Variants in FUT2 observed in about 807,000 individuals in gnomAD.
FUT2 encodes galactoside alpha-(1,2)-fucosyltransferase 2.
For synonymous variants in FUT2, 182 were observed against 193.1 expected, an observed-to-expected ratio of 0.94 and a Z score of 0.48; for missense variants, 419 against 465.8, an observed-to-expected ratio of 0.90 and a Z score of 0.93.
At chr19:48,699,881 T>C (rs868796422) in intron 1 of FUT2, among the ~76,000 whole-genome samples, 1 of 151,876 alleles carries the variant, frequency 6.6e-6, no homozygotes, top group Non-Finnish European at 1.5e-5. Flanking sequence ...AGGCCAGGCA[T>C]GGTGGCTCAC....
At position 48,705,117 on chromosome 19, in the gene FUT2, T is replaced by TC; in HGVS notation, c.*1129_*1130insC. The TC allele has an allele frequency of 4.3e-6, 1 of 231,030 alleles. No individual in the cohort carries two copies. Among genetic ancestry groups the TC allele is most frequent in the East Asian group, 6.1e-5 (1 of 16,462 alleles). 14.3% of individuals were successfully genotyped at this position (231,030 alleles called of 1,614,324 possible). ...TTTCTTTTCTTTTTCTTTTCTTTTTTTTTTTTTTTTTGAGATGGAGTCTTG... is the reference window on the plus strand; with the variant it reads ...TTTCTTTTCTTTTTCTTTTCTTTTTTCTTTTTTTTTTTGAGATGGAGTCTTG... On this transcript the variant is annotated 3_prime_UTR_variant, in exon 2 of 2. Coordinates refer to ENST00000425340, the MANE Select transcript of FUT2 (RefSeq NM_000511.6).
chr19:48,702,982 C>A lies in FUT2; in HGVS notation c.26C>A (p.Ser9Tyr). The A allele has an allele frequency of 6.2e-7, 1 of 1,613,218 alleles. No homozygotes were observed. The highest frequency in any genetic ancestry group is 1.1e-5 in the South Asian group (1 of 90,624). ...ATGCTGGTCGTTCAGATGCCTTTCT[C>A]CTTTCCCATGGCCCACTTCATCCTC... is the stretch of plus-strand genomic sequence containing the variant. MLVVQMPF[S>Y]FPMAHFILFV... The change falls in exon 2 of 2, where the codon TCC (serine) becomes TAC (tyrosine). Residue 9 changes from serine (S) to tyrosine (Y), a missense_variant. Physicochemically the swap from Ser to Tyr is moderately radical, Grantham distance 144. Coordinates refer to ENST00000425340, the MANE Select transcript of FUT2 (RefSeq NM_000511.6).
At position 48,703,369 on chromosome 19, in the gene FUT2, G is replaced by A. The variant is rs775671771; in HGVS notation, c.413G>A (p.Arg138His). The change falls in exon 2 of 2, where the codon CGC becomes CAC. Residue 138 changes from arginine (R) to histidine (H), a missense_variant. Arg to His is a conservative substitution (Grantham distance 29). Transcript: ENST00000425340. ...AACGACTGGATGGAGGAGGAATACC[G>A]CCACATCCCGGGGGAGTACGTCCGC... The part of the protein sequence containing the change: ...HLNDWMEEEY[R>H]HIPGEYVRFT... 6 of 1,613,082 alleles carry A rather than the reference G, an allele frequency of 3.7e-6. 1 individual carries two copies. The highest frequency in any genetic ancestry group is 3.3e-5 in the Admixed American group (2 of 60,008).
At chr19:48,700,616 C>A (rs533276077) in intron 1 of FUT2, among the ~76,000 whole-genome samples, 2 of 152,084 alleles carry the variant, frequency 1.3e-5, no homozygotes, top group African/African-American at 2.4e-5. Context: ...CAGGCGTGAG[C>A]CACCGCGCCC....
At position 48,703,047 on chromosome 19, in the gene FUT2, C is replaced by T. The variant is rs201010975; in HGVS notation, c.91C>T (p.Arg31Trp). The T allele has an allele frequency of 5.5e-5, 89 of 1,612,994 alleles. 3 individuals carry two copies. Among genetic ancestry groups the T allele is most frequent in the Admixed American group, 1.2e-4 (7 of 60,012 alleles). ...TTCCACTATATTTCACGTTCAGCAG[C>T]GGCTAGCGAAGATTCAAGCCATGTG... The part of the protein sequence containing the change: ...TVSTIFHVQQ[R>W]LAKIQAMWEL... The change falls in exon 2 of 2, where the codon CGG becomes TGG. Residue 31 changes from arginine (R) to tryptophan (W), a missense_variant. Physicochemically the swap from Arg to Trp is moderately radical, Grantham distance 101. Transcript: ENST00000425340.
intron 1 of FUT2, among the ~76,000 whole-genome samples, chr19:48,700,485 C>A (rs1246413688): frequency 6.6e-6 from 1 of 151,910 alleles, no homozygotes; most frequent in Non-Finnish European, 1.5e-5. Context: ...CACCACCACA[C>A]CCGGCTAATT....
At position 48,705,667 on chromosome 19, in the gene FUT2, C is replaced by T. The variant is rs927034680; in HGVS notation, c.*1679C>T. The T allele has an allele frequency of 1.2e-5, 2 of 167,050 alleles. No individual in the cohort carries two copies. Among genetic ancestry groups the T allele is most frequent in the African/African-American group, 4.8e-5 (2 of 41,416 alleles). 10.3% of individuals were successfully genotyped at this position (167,050 alleles called of 1,614,324 possible). A position where few individuals can be genotyped will look rare whatever the true frequency, so the allele number is the denominator to read the frequency against. ...GTTACATGTCAGGCAGTGAAACCCCCCACAGCAGCCTTCCCTCTCAGAGGA... is the reference window on the plus strand; with the variant it reads ...GTTACATGTCAGGCAGTGAAACCCCTCACAGCAGCCTTCCCTCTCAGAGGA... On this transcript the variant is annotated 3_prime_UTR_variant, in exon 2 of 2. Transcript: ENST00000425340.
In FUT2 at chr19:48,704,102, G is replaced by A. The variant is rs2122226594; in HGVS notation, c.*114G>A. On this transcript the variant is annotated 3_prime_UTR_variant, in exon 2 of 2. Transcript: ENST00000425340. ...GGACCCATCTCTCTTCTGTGAAGAT[G>A]CGTTGGGCTGCAAGTAACAGAAATC... The A allele has an allele frequency of 2.0e-6, 2 of 1,013,958 alleles. No homozygotes were observed. Among genetic ancestry groups the A allele is most frequent in the Middle Eastern group, 2.9e-4 (1 of 3,482 alleles). 62.8% of individuals were successfully genotyped at this position (1,013,958 alleles called of 1,614,324 possible). A position where few individuals can be genotyped will look rare whatever the true frequency, so the allele number is the denominator to read the frequency against.
chr19:48,698,008 T>TC, intron 1 of FUT2, among the ~76,000 whole-genome samples: 1 of 147,652 alleles, frequency 6.8e-6, no homozygotes, highest in East Asian at 2.0e-4. Context: ...TTTTTTTTTT[T>TC]TTTTTTTTTG....
intron 1 of FUT2, among the ~76,000 whole-genome samples, chr19:48,700,776 C>G (rs71370196): frequency 4.1e-5 from 6 of 147,762 alleles, no homozygotes; most frequent in South Asian, 4.3e-4. Flanking sequence ...TGAAACCTTC[C>G]TAAGCCTTCC....
In FUT2 at chr19:48,703,233, G is replaced by A. The variant is rs112722916; in HGVS notation, c.277G>A (p.Ala93Thr). The A allele has an allele frequency of 4.3e-5, 70 of 1,613,084 alleles. No homozygotes were observed. Among genetic ancestry groups the A allele is most frequent in the East Asian group, 3.8e-4 (17 of 44,846 alleles). The part of the protein sequence containing the change: ...YALAKMNGRP[A>T]FIPAQMHSTL... The stretch of plus-strand genomic sequence containing the variant: ...CCTGGCCAAGATGAACGGGCGGCCC[G>A]CCTTCATCCCGGCCCAGATGCACAG... Residue 93 changes from alanine to threonine, a missense_variant, in exon 2 of 2, where the codon GCC becomes ACC. Transcript: ENST00000425340.
Position 48,703,300 on chromosome 19 carries a change from A to G in FUT2, c.344A>G (p.His115Arg). ...TTCAGAATCACCCTGCCGGTGCTGCACAGCGCCACGGCCAGCAGGATCCCC... is the reference window on the plus strand; with the variant it reads ...TTCAGAATCACCCTGCCGGTGCTGCGCAGCGCCACGGCCAGCAGGATCCCC... ...PIFRITLPVL[H>R]SATASRIPWQ... The change falls in exon 2 of 2, where the codon CAC becomes CGC. Residue 115 changes from histidine to arginine, a missense_variant. Transcript: ENST00000425340. 3 of 1,612,988 alleles carry G rather than the reference A, an allele frequency of 1.9e-6. No individual in the cohort carries two copies. Among genetic ancestry groups the G allele is most frequent in the East Asian group, 2.2e-5 (1 of 44,870 alleles).
intron 1 of FUT2, among the ~76,000 whole-genome samples, chr19:48,701,862 G>A (rs962367336): frequency 1.3e-5 from 2 of 151,744 alleles, no homozygotes; most frequent in South Asian, 2.1e-4. Context: ...GCGTGGTGGC[G>A]GGCGCCTGTA....
At position 48,703,749 on chromosome 19, in the gene FUT2, G is replaced by A. The variant is rs907232085; in HGVS notation, c.793G>A (p.Asp265Asn). ...TSHGDVVFAG[D>N]GIEGSPAKDF... ...CCACGGTGATGTGGTGTTTGCTGGC[G>A]ATGGCATTGAGGGCTCACCTGCCAA... The change falls in exon 2 of 2, where the codon GAT becomes AAT. Residue 265 changes from aspartate to asparagine, a missense_variant. By Grantham distance (23) the Asp-to-Asn change is conservative. Transcript: ENST00000425340. The A allele has an allele frequency of 1.4e-5, 23 of 1,613,568 alleles. No individual in the cohort carries two copies. The highest frequency in any genetic ancestry group is 4.5e-5 in the East Asian group (2 of 44,876).
At chr19:48,696,547 G>C (rs418821) in intron 1 of FUT2, 138,677 of 152,274 alleles carry the variant, frequency 0.91, 63,371 homozygotes, top group African/African-American at 0.98. Flanking sequence ...GAGCCCTGCC[G>C]TCGCCCAGGG....
Position 48,704,038 on chromosome 19 carries a change from T to A in FUT2, c.*50T>A, listed in dbSNP as rs771233484. 2 of 1,534,480 alleles carry A rather than the reference T, an allele frequency of 1.3e-6. No homozygotes were observed. Among genetic ancestry groups the A allele is most frequent in the East Asian group, 4.5e-5 (2 of 44,708 alleles). ...TTCTCCTTCTCTGCCTCCCTCAAGA[T>A]GAGTGCCCGGGCATGAGAAGCACAT... is the stretch of plus-strand genomic sequence containing the variant. On this transcript the variant is annotated 3_prime_UTR_variant, in exon 2 of 2. Coordinates refer to ENST00000425340, the MANE Select transcript of FUT2 (RefSeq NM_000511.6).
At chr19:48,701,591 G>T (rs28362833) in intron 1 of FUT2, among the ~76,000 whole-genome samples, 7 of 152,108 alleles carry the variant, frequency 4.6e-5, no homozygotes, top group Non-Finnish European at 1.0e-4. Flanking sequence ...CGGCCAGGAG[G>T]GCAGGCAGGC....
intron 1 of FUT2, among the ~76,000 whole-genome samples, chr19:48,700,701 GA>G (rs2032501721): frequency 6.6e-6 from 1 of 152,120 alleles, no homozygotes; most frequent in South Asian, 2.1e-4. Context: ...ATCACATGCA[GA>G]TAATTTCTTT....
chr19:48,702,867 A>G (rs1336036742), intron 1 of FUT2, 88 bp from the exon 2 acceptor site: 1 of 1,226,254 alleles, frequency 8.2e-7, no homozygotes, highest in Non-Finnish European at 1.2e-6. Context: ...CACCCACACT[A>G]TGCCTGCACA....
Sources: gnomAD v4.1 joint callset for allele counts (sites outside exome capture counted in the v4.1 genomes callset) on GRCh38, gnomAD v4.1.1 for gene constraint, MANE v1.5 for transcripts, NCBI Gene and HGNC (gene_info 2026-07-23, HGNC 2026-07-21) for gene names.